NELL2: variants seen among roughly 807,000 people sequenced by gnomAD.
The protein encoded by NELL2 is neural EGFL like 2.
NELL2 carries 41 observed loss-of-function variants against 109.6 expected under a neutral mutation model. The observed-to-expected ratio is 0.37, with a 90% CI of 0.29 to 0.49. NELL2 has a LOEUF of 0.49. Ranked by LOEUF, NELL2 falls within the 20% of genes least tolerant of loss-of-function variation. NELL2 has a pLI of 0.98. For synonymous variants in NELL2, 355 were observed against 344.7 expected, an observed-to-expected ratio of 1.03 and a Z score of -0.33; for missense variants, 900 against 1,008.3, an observed-to-expected ratio of 0.89 and a Z score of 1.45.
At chr12:44,587,307 ATTT>A (rs67322195) in intron 15 of NELL2, among the ~76,000 whole-genome samples, 6 of 96,640 alleles carry the variant, frequency 6.2e-5, no homozygotes, top group African/African-American at 2.5e-4. Flanking sequence ...ATATATATAT[ATTT>A]TTTTTTAAAT....
intron 13 of NELL2, among the ~76,000 whole-genome samples, chr12:44,648,880 C>T (rs994005427): frequency 4.0e-5 from 6 of 148,646 alleles, no homozygotes; most frequent in Admixed American, 1.3e-4. Context: ...GGATTACAGG[C>T]GCATGCCACC....
chr12:44,704,668 T>C (rs541693718), intron 11 of NELL2, among the ~76,000 whole-genome samples: 2 of 152,298 alleles, frequency 1.3e-5, no homozygotes, highest in African/African-American at 2.4e-5. Context: ...AATTACTTGA[T>C]GTATGCTATC....
At chr12:44,577,462 G>A (rs370193861) in intron 15 of NELL2, among the ~76,000 whole-genome samples, 8 of 132,078 alleles carry the variant, frequency 6.1e-5, no homozygotes, top group Admixed American at 4.5e-4. Context: ...TGTCAGATGA[G>A]TAGTTTTTTT....
intron 15 of NELL2, among the ~76,000 whole-genome samples, chr12:44,537,055 A>G (rs1055993845): frequency 1.1e-4 from 16 of 151,976 alleles, no homozygotes; most frequent in Non-Finnish European, 1.3e-4. Context: ...ATAGAAAAAA[A>G]AAAACAAGCT....
At chr12:44,635,324 T>A (rs1592243693) in intron 13 of NELL2, among the ~76,000 whole-genome samples, 1 of 152,306 alleles carries the variant, frequency 6.6e-6, no homozygotes, top group Middle Eastern at 3.4e-3. Context: ...TTGTTGCCAT[T>A]GCTTTTGGTG....
intron 2 of NELL2, 87 bp downstream of exon 2, chr12:44,875,138 T>C (rs1171857998): frequency 6.6e-7 from 1 of 1,517,006 alleles, no homozygotes; most frequent in Non-Finnish European, 8.9e-7. Context: ...CATGAGGCAA[T>C]ACAAAGTTAG....
intron 1 of NELL2, among the ~76,000 whole-genome samples, chr12:44,888,572 A>G (rs1275207207): frequency 1.3e-5 from 2 of 151,936 alleles, no homozygotes; most frequent in Non-Finnish European, 2.9e-5. Context: ...AAACCTAAAA[A>G]TAAAGAAAAA....
At chr12:44,907,347 G>A (rs1175800147) in intron 1 of NELL2, among the ~76,000 whole-genome samples, 2 of 152,076 alleles carry the variant, frequency 1.3e-5, no homozygotes, top group African/African-American at 4.8e-5. Flanking sequence ...TAAAAGCTCT[G>A]AAAGAGAAAA....
chr12:44,648,944 T>TGTGTGTGTGTGTG (rs1947203450), intron 13 of NELL2, among the ~76,000 whole-genome samples: 17 of 53,540 alleles, frequency 3.2e-4, no homozygotes, highest in East Asian at 2.3e-3. Flanking sequence ...GTGTGTGTGT[T>TGTGTGTGTGTGTG]TAGTAGAGAC....
chr12:44,761,343 G>A (rs1412057067), intron 9 of NELL2, among the ~76,000 whole-genome samples: 1 of 152,066 alleles, frequency 6.6e-6, no homozygotes, highest in Non-Finnish European at 1.5e-5. Flanking sequence ...ACTCCAGCCT[G>A]GGCAACAAGA....
chr12:44,645,151 A>G (rs951056196), intron 13 of NELL2, among the ~76,000 whole-genome samples: 1 of 152,172 alleles, frequency 6.6e-6, no homozygotes, highest in African/African-American at 2.4e-5. Context: ...GCGACTAAAT[A>G]TGAGAAGCAA....
At chr12:44,672,423 G>A (rs2136352624) in intron 12 of NELL2, among the ~76,000 whole-genome samples, 2 of 152,234 alleles carry the variant, frequency 1.3e-5, no homozygotes, top group South Asian at 4.1e-4. Flanking sequence ...ATGATCTGAG[G>A]TATAACAGTT....
intron 2 of NELL2, among the ~76,000 whole-genome samples, chr12:44,869,786 T>G (rs2136830425): frequency 6.6e-6 from 1 of 152,288 alleles, no homozygotes; most frequent in East Asian, 1.9e-4. Flanking sequence ...TGGCTTTCTT[T>G]TCAGACTAGG....
At chr12:44,560,741 C>T (rs1005951425) in intron 15 of NELL2, among the ~76,000 whole-genome samples, 10 of 152,150 alleles carry the variant, frequency 6.6e-5, no homozygotes, top group African/African-American at 2.4e-4. Flanking sequence ...CAGCCGAATT[C>T]TACCAGAGGT....
At chr12:44,649,766 G>T (rs942145314) in intron 13 of NELL2, among the ~76,000 whole-genome samples, 2 of 152,128 alleles carry the variant, frequency 1.3e-5, no homozygotes, top group Non-Finnish European at 2.9e-5. Flanking sequence ...TACAAACAAA[G>T]AAATCATATT....
chr12:44,570,215 C>G (rs1039387410), intron 15 of NELL2, among the ~76,000 whole-genome samples: 1 of 152,078 alleles, frequency 6.6e-6, no homozygotes, highest in Non-Finnish European at 1.5e-5. Flanking sequence ...TTCTGCACAC[C>G]CCCACAGGTC....
chr12:44,569,757 T>C (rs1415331037), intron 15 of NELL2, among the ~76,000 whole-genome samples: 2 of 151,236 alleles, frequency 1.3e-5, no homozygotes, highest in Non-Finnish European at 2.9e-5. Context: ...TTTTGATCTA[T>C]GAATTTTTTT....
intron 19 of NELL2, among the ~76,000 whole-genome samples, chr12:44,514,569 T>G (rs1056880043): frequency 6.6e-6 from 1 of 151,648 alleles, no homozygotes; most frequent in African/African-American, 2.4e-5. Flanking sequence ...TGTGCCAACT[T>G]ATAAATTAAA....
At chr12:44,735,441 G>A (rs994622400) in intron 9 of NELL2, among the ~76,000 whole-genome samples, 1 of 151,816 alleles carries the variant, frequency 6.6e-6, no homozygotes, top group African/African-American at 2.4e-5. Context: ...GAAAAACCAA[G>A]ATAACTGCTG....
Sources: gnomAD v4.1 joint callset for allele counts (sites outside exome capture counted in the v4.1 genomes callset) on GRCh38, gnomAD v4.1.1 for gene constraint, MANE v1.5 for transcripts, NCBI Gene and HGNC (gene_info 2026-07-23, HGNC 2026-07-21) for gene names.